L3HYPDH: variants seen among roughly 807,000 people sequenced by gnomAD.
L3HYPDH encodes trans-3-hydroxy-L-proline dehydratase.
A neutral mutation model predicts 26.5 loss-of-function variants in L3HYPDH; 32 were observed. That is an observed-to-expected ratio of 1.21 (90% CI 0.91 to 1.62). The LOEUF is 1.62. Ranked by LOEUF, L3HYPDH falls within the 40% of genes most tolerant of loss-of-function variation. L3HYPDH has a pLI of 0.00. For synonymous variants in L3HYPDH, 215 were observed against 196.6 expected, an observed-to-expected ratio of 1.09 and a Z score of -0.78; for missense variants, 554 against 476.4, an observed-to-expected ratio of 1.16 and a Z score of -1.52.
At chr14:59,469,039 G>A (rs1283417654), downstream of L3HYPDH, among the ~76,000 whole-genome samples, 1 of 152,152 alleles carries the variant, frequency 6.6e-6, no homozygotes, top group South Asian at 2.1e-4. Flanking sequence ...CCAAGAAGAA[G>A]AGAAGTCAGA....
At chr14:59,473,471 G>A (rs2139798671) in intron 4 of L3HYPDH, among the ~76,000 whole-genome samples, 1 of 152,248 alleles carries the variant, frequency 6.6e-6, no homozygotes, top group East Asian at 1.9e-4. Flanking sequence ...GGGAATTGAG[G>A]ACTAGCAATA....
chr14:59,499,134 C>T, the L3HYPDH span, among the ~76,000 whole-genome samples: 1 of 147,952 alleles, frequency 6.8e-6, no homozygotes, highest in African/African-American at 2.5e-5. Context: ...ATTGATTCTC[C>T]TGCCTCAGCC....
In L3HYPDH at chr14:59,484,025, C is replaced by A; in HGVS notation, c.292G>T (p.Glu98Ter). 1 of 1,604,462 alleles carries A rather than the reference C, an allele frequency of 6.2e-7. No homozygotes were observed. Among genetic ancestry groups the A allele is most frequent in the Non-Finnish European group, 8.5e-7 (1 of 1,179,056 alleles). Residue 98 changes from glutamate to a stop codon, truncating the protein, a stop_gained, in exon 1 of 5, where the codon GAG (glutamate) becomes TAG (stop). Transcript: ENST00000247194. LOFTEE classifies it high-confidence loss of function. The part of the protein sequence containing the change: ...AHLGVLFLHN[E>*]GYSSMCGHAV... ...TGGCCGCACATGGAGCTGTAGCCCT[C>A]GTTGTGCAGGAACAGGACGCCCAGA... is the stretch of plus-strand genomic sequence containing the variant.
chr14:59,478,811 G>A (rs1312927206), intron 2 of L3HYPDH: 2 of 173,316 alleles, frequency 1.2e-5, no homozygotes, highest in African/African-American at 4.8e-5. Context: ...TTTTGCTCTA[G>A]AGCAGGAATG....
At chr14:59,480,900 G>A (rs1889973742) in intron 1 of L3HYPDH, among the ~76,000 whole-genome samples, 1 of 152,252 alleles carries the variant, frequency 6.6e-6, no homozygotes, top group African/African-American at 2.4e-5. Context: ...AAGCTAAAGT[G>A]AGGGTGAAGA....
the L3HYPDH span, chr14:59,505,176 T>A: frequency 1.2e-6 from 1 of 809,498 alleles, no homozygotes; most frequent in South Asian, 2.1e-5. Context: ...AATATGAAAG[T>A]AAGTGCACTC....
the L3HYPDH span, chr14:59,504,741 G>A: frequency 6.6e-6 from 1 of 152,600 alleles, no homozygotes; most frequent in African/African-American, 2.4e-5. Context: ...TTGTTGTTTG[G>A]CACAATAGTA....
downstream of L3HYPDH, among the ~76,000 whole-genome samples, chr14:59,468,027 T>C (rs116894649): frequency 6.4e-4 from 97 of 152,186 alleles, no homozygotes; most frequent in East Asian, 0.017. Context: ...CCACATCCAG[T>C]TCCTACATTG....
At chr14:59,477,194 T>C (rs1470289245) in intron 2 of L3HYPDH, among the ~76,000 whole-genome samples, 1 of 152,218 alleles carries the variant, frequency 6.6e-6, no homozygotes, top group Non-Finnish European at 1.5e-5. Flanking sequence ...CTTCCCCAAC[T>C]GGAGCTAGCT....
At chr14:59,500,979 G>A in the L3HYPDH span, 7 of 479,936 alleles carry the variant, frequency 1.5e-5, no homozygotes, top group Non-Finnish European at 2.2e-5. Flanking sequence ...CTGGGTAATC[G>A]AGACAGAGAA....
chr14:59,491,436 G>A, the L3HYPDH span, among the ~76,000 whole-genome samples: 1 of 152,224 alleles, frequency 6.6e-6, no homozygotes, highest in Non-Finnish European at 1.5e-5. Context: ...AAGAAGACCA[G>A]TTAAGAAGGT....
chr14:59,483,576 T>G, intron 1 of L3HYPDH: 3 of 1,419,596 alleles, frequency 2.1e-6, no homozygotes, highest in Non-Finnish European at 2.8e-6. Flanking sequence ...AATTCCTCGC[T>G]CCTCAAGGGT....
upstream of L3HYPDH, chr14:59,484,420 T>C: frequency 1.9e-5 from 27 of 1,388,614 alleles, no homozygotes; most frequent in South Asian, 1.0e-4. Context: ...ACCAGCCACG[T>C]CCGGGGGGCG....
At chr14:59,501,741 TA>T in the L3HYPDH span, among the ~76,000 whole-genome samples, 1 of 152,190 alleles carries the variant, frequency 6.6e-6, no homozygotes, top group Non-Finnish European at 1.5e-5. Flanking sequence ...TTTTACCCCA[TA>T]ATGTTTGGGG....
chr14:59,504,831 T>C, the L3HYPDH span: 1 of 154,238 alleles, frequency 6.5e-6, no homozygotes, highest in African/African-American at 2.4e-5. Context: ...GATCCAGAGA[T>C]ACTTATTTCA....
chr14:59,503,794 C>A, the L3HYPDH span: 1 of 977,044 alleles, frequency 1.0e-6, no homozygotes, highest in Non-Finnish European at 1.6e-6. Flanking sequence ...ATTAAATTAC[C>A]CAGCTGACTT....
chr14:59,503,969 T>G, the L3HYPDH span: 1 of 1,613,840 alleles, frequency 6.2e-7, no homozygotes, highest in African/African-American at 1.3e-5. Flanking sequence ...GAGCAAGATT[T>G]GCCCCTTTTG....
chr14:59,477,683 CATAAT>C (rs1276429798), intron 2 of L3HYPDH, among the ~76,000 whole-genome samples: 2 of 152,158 alleles, frequency 1.3e-5, no homozygotes. Context: ...AAGTTGCTAT[CATAAT>C]ATAATTGCAC....
chr14:59,502,473 A>G, the L3HYPDH span, among the ~76,000 whole-genome samples: 5 of 152,268 alleles, frequency 3.3e-5, no homozygotes, highest in African/African-American at 1.2e-4. Context: ...CACTTTTTCT[A>G]TTACCTTAGT....
Sources: gnomAD v4.1 joint callset for allele counts (sites outside exome capture counted in the v4.1 genomes callset) on GRCh38, gnomAD v4.1.1 for gene constraint, MANE v1.5 for transcripts, NCBI Gene and HGNC (gene_info 2026-07-23, HGNC 2026-07-21) for gene names.